The following NEBL variants were observed in gnomAD, a reference collection of about 807,000 sequenced individuals.
NEBL encodes the protein LIM and SH3 protein 2.
Under a neutral mutation model 140.2 loss-of-function variants are expected in NEBL, and 122 were observed. The observed-to-expected ratio is 0.87, with a 90% confidence interval of 0.75 to 1.01. The LOEUF (loss-of-function observed/expected upper bound fraction) is 1.01. Ranked by LOEUF, NEBL falls within the 50% of genes least tolerant of loss-of-function variation. The probability of loss-of-function intolerance (pLI) is 0.00; values close to 1 mark genes in which losing one functional copy is unlikely to be tolerated. For synonymous variants in NEBL, 436 were observed against 398.9 expected (o/e 1.09, Z -1.11); for missense variants, 1,365 against 1,231.3 (o/e 1.11, Z -1.62).
At chr10:20,797,219 T>C (rs1836638552) in intron 26 of NEBL, among the ~76,000 whole-genome samples, 1 of 152,220 alleles carries the variant, frequency 6.6e-6, no homozygotes, top group Admixed American at 6.5e-5. Context: ...TGAAGATTCA[T>C]TACTCGAGTA....
intron 26 of NEBL, among the ~76,000 whole-genome samples, chr10:20,788,319 G>C (rs1476646880): frequency 6.6e-6 from 1 of 152,040 alleles, no homozygotes; most frequent in Non-Finnish European, 1.5e-5. Context: ...ATAATAGTTT[G>C]CCATTTTTGT....
intron 4 of NEBL, among the ~76,000 whole-genome samples, chr10:20,907,562 A>AACGAATTT (rs1462422444): frequency 2.8e-4 from 42 of 152,224 alleles, no homozygotes; most frequent in African/African-American, 9.6e-4. Context: ...GAATTTAAGC[A>AACGAATTT]AACCATTCGT....
chr10:21,279,435 A>G (rs1310759209), intron 1 of NEBL, among the ~76,000 whole-genome samples: 2 of 151,884 alleles, frequency 1.3e-5, no homozygotes, highest in African/African-American at 4.8e-5. Flanking sequence ...CACTGGGATT[A>G]CAGGCCACCA....
At chr10:20,844,419 A>AT (rs1841709187) in intron 12 of NEBL, among the ~76,000 whole-genome samples, 1 of 150,670 alleles carries the variant, frequency 6.6e-6, no homozygotes, top group South Asian at 2.1e-4. Context: ...ATGATATACT[A>AT]CATTTATACT....
At position 21,112,231 on chromosome 10, in the gene NEBL, C is replaced by T. The variant is rs188518563; in HGVS notation, c.164+60152G>A. 7.5e-4 allele frequency among the ~76,000 whole-genome samples: 114 copies of T among 152,292 alleles called. 1 individual carries two copies. In the East Asian group the frequency reaches 0.018, roughly 24 times the overall value. The stretch of plus-strand genomic sequence containing the variant: ...GAAATACCATTTGACCCAGTGATCC[C>T]ATTACTGGGTATATACCCAAAGTAT... On this transcript the variant is annotated intron_variant, in intron 2 of 6. Transcript: ENST00000417816.
intron 2 of NEBL, among the ~76,000 whole-genome samples, chr10:21,104,211 GTTC>G (rs1391017967): frequency 2.0e-5 from 3 of 152,096 alleles, no homozygotes; most frequent in African/African-American, 7.2e-5. Context: ...TTCTAACTTT[GTTC>G]TTCTTTTTCC....
intron 2 of NEBL, among the ~76,000 whole-genome samples, chr10:21,049,026 A>AAAT (rs1325303305): frequency 1.3e-5 from 2 of 152,110 alleles, no homozygotes; most frequent in African/African-American, 4.8e-5. Flanking sequence ...ATAAATAAAT[A>AAAT]AAAAGACTGT....
At chr10:21,123,230 A>G (rs12243918) in intron 2 of NEBL, among the ~76,000 whole-genome samples, 1,734 of 152,270 alleles carry the variant, frequency 0.011, 27 homozygotes, top group African/African-American at 0.04. Flanking sequence ...TCTAGATCTT[A>G]CTCTGTACAA....
intron 3 of NEBL, among the ~76,000 whole-genome samples, chr10:21,225,387 A>C (rs1417142051): frequency 1.3e-5 from 2 of 152,104 alleles, no homozygotes; most frequent in African/African-American, 4.8e-5. Flanking sequence ...CCACTGCCTG[A>C]CTACCGCCTA....
chr10:21,013,178 C>T (rs931379666), intron 3 of NEBL, among the ~76,000 whole-genome samples: 2 of 152,142 alleles, frequency 1.3e-5, no homozygotes, highest in Non-Finnish European at 2.9e-5. Context: ...ACGCTGTGCT[C>T]CCTGAAGGAA....
chr10:21,034,182 A>G (rs974538856), intron 2 of NEBL, among the ~76,000 whole-genome samples: 8 of 151,382 alleles, frequency 5.3e-5, no homozygotes, highest in African/African-American at 1.9e-4. Flanking sequence ...AAAAAAAAAA[A>G]AAAAAAAAGA....
chr10:20,961,423 T>C (rs990435087), intron 4 of NEBL, among the ~76,000 whole-genome samples: 1 of 151,984 alleles, frequency 6.6e-6, no homozygotes, highest in Non-Finnish European at 1.5e-5. Flanking sequence ...TTTGGAAAAA[T>C]TTGAAAGCTG....
upstream of NEBL, among the ~76,000 whole-genome samples, chr10:20,901,794 G>A (rs2131431838): frequency 2.0e-5 from 3 of 152,202 alleles, no homozygotes; most frequent in Admixed American, 2.0e-4. Flanking sequence ...CTTCTCAGTT[G>A]AATCCCTAGT....
At chr10:20,933,272 AAAGT>A (rs1159053862) in intron 4 of NEBL, among the ~76,000 whole-genome samples, 1 of 152,156 alleles carries the variant, frequency 6.6e-6, no homozygotes, top group Non-Finnish European at 1.5e-5. Context: ...ACCATGAAAG[AAAGT>A]GTCAATTTTT....
chr10:20,833,419 T>G (rs12098600), intron 14 of NEBL, among the ~76,000 whole-genome samples: 11,395 of 152,058 alleles, frequency 0.075, 1,320 homozygotes, highest in African/African-American at 0.25. Context: ...TGGTTGAAAA[T>G]GATCTGAGCC....
rs563041868 is a variant in NEBL, at chr10:21,135,804, T to C, written c.164+36579A>G. Among the ~76,000 whole-genome samples, 15 of 152,252 alleles carry C rather than the reference T, an allele frequency of 9.9e-5. 1 individual carries two copies. In the South Asian group the frequency reaches 2.1e-3, roughly 21 times the overall value. On this transcript the variant is annotated intron_variant, in intron 2 of 6. Transcript: ENST00000417816. ...TCAGTGCTGAAGGTCCTATTTTCAG[T>C]GGTCACCCTACTTTTCTTGGCTCTC...
chr10:21,008,568 T>C (rs1324249747), intron 3 of NEBL, among the ~76,000 whole-genome samples: 1 of 152,150 alleles, frequency 6.6e-6, no homozygotes, highest in Non-Finnish European at 1.5e-5. Flanking sequence ...TCACTAATGA[T>C]CTGGTAAATG....
chr10:21,270,750 T>C (rs1842851671), intron 1 of NEBL, among the ~76,000 whole-genome samples: 1 of 152,174 alleles, frequency 6.6e-6, no homozygotes, highest in Non-Finnish European at 1.5e-5. Flanking sequence ...CGTTCAACTC[T>C]TTTTTATACC....
chr10:20,963,098 T>G (rs1338672053), intron 3 of NEBL, among the ~76,000 whole-genome samples: 2 of 152,068 alleles, frequency 1.3e-5, no homozygotes, highest in Non-Finnish European at 2.9e-5. Context: ...CTAATTCTTC[T>G]CTCTGTACTT....
Sources: allele counts gnomAD v4.1 joint callset (sites outside exome capture counted in the v4.1 genomes callset), GRCh38; gene constraint gnomAD v4.1.1; transcripts MANE v1.5; gene names NCBI Gene and HGNC (gene_info 2026-07-23, HGNC 2026-07-21).